Variants in PPFIA2 observed in about 807,000 individuals in gnomAD.
PPFIA2 encodes PPFI scaffold protein A2.
In PPFIA2, 46 loss-of-function variants were observed where a neutral mutation model predicts 175.5. That is an observed-to-expected ratio of 0.26 (90% confidence interval 0.21 to 0.34). The LOEUF is 0.34. Ranked by LOEUF, PPFIA2 falls within the 10% of genes least tolerant of loss-of-function variation. The probability of loss-of-function intolerance (pLI) is 1.00; values close to 1 mark genes in which losing one functional copy is unlikely to be tolerated. For missense variants in PPFIA2, 1,179 were observed against 1,506.1 expected (o/e 0.78, Z 3.60); for synonymous variants, 568 against 511.4 (o/e 1.11, Z -1.49).
chr12:81,702,042 T>C (rs2076552818), intron 3 of PPFIA2, among the ~76,000 whole-genome samples: 1 of 152,032 alleles, frequency 6.6e-6, no homozygotes, highest in Non-Finnish European at 1.5e-5. Flanking sequence ...AGAGAAAATG[T>C]GGGATGTAAG....
intron 4 of PPFIA2, among the ~76,000 whole-genome samples, chr12:81,659,930 G>A (rs1387013046): frequency 6.6e-6 from 1 of 152,054 alleles, no homozygotes; most frequent in Non-Finnish European, 1.5e-5. Context: ...CCACGCTCCA[G>A]GCAAACAGGG....
Position 81,393,074 on chromosome 12 carries a change from T to A in PPFIA2, c.763-8830A>T, listed in dbSNP as rs377105620. Among the ~76,000 whole-genome samples, 33 of 152,150 alleles carry A rather than the reference T, an allele frequency of 2.2e-4. No homozygotes were observed. The East Asian group carries it at 2.7e-3, about 12-fold the overall frequency. ...ACCTTGTTTCTTATTTTCATTCTTA[T>A]AGCAGTCAGACTGATTCATGGTGAT... On this transcript the variant is annotated intron_variant, in intron 8 of 32. Transcript: ENST00000549396.
intron 4 of PPFIA2, among the ~76,000 whole-genome samples, chr12:81,537,886 C>T (rs2065641453): frequency 6.6e-6 from 1 of 151,800 alleles, no homozygotes; most frequent in African/African-American, 2.4e-5. Flanking sequence ...TGAATATTCC[C>T]TAGATCAGTG....
At chr12:81,440,351 A>G (rs2145001038) in intron 6 of PPFIA2, among the ~76,000 whole-genome samples, 1 of 152,216 alleles carries the variant, frequency 6.6e-6, no homozygotes, top group Non-Finnish European at 1.5e-5. Context: ...GTGGAGACAA[A>G]GTTTAAAAGT....
At chr12:81,268,622 T>A (rs889655705) in intron 28 of PPFIA2, among the ~76,000 whole-genome samples, 1 of 152,236 alleles carries the variant, frequency 6.6e-6, no homozygotes, top group African/African-American at 2.4e-5. Flanking sequence ...GAGTGTTTGT[T>A]ATAGCTAAAA....
chr12:81,595,523 A>G (rs2059150094), intron 4 of PPFIA2, among the ~76,000 whole-genome samples: 1 of 152,006 alleles, frequency 6.6e-6, no homozygotes, highest in African/African-American at 2.4e-5. Flanking sequence ...TGAGTAGAAA[A>G]CTGCAGGCAC....
chr12:81,550,592 G>C (rs1489443597), intron 4 of PPFIA2, among the ~76,000 whole-genome samples: 1 of 151,898 alleles, frequency 6.6e-6, no homozygotes, highest in East Asian at 1.9e-4. Context: ...CAGGTTTCTG[G>C]CTGAGGCATC....
At chr12:81,601,184 T>C (rs1170937788) in intron 4 of PPFIA2, among the ~76,000 whole-genome samples, 1 of 152,002 alleles carries the variant, frequency 6.6e-6, no homozygotes, top group East Asian at 1.9e-4. Flanking sequence ...GTACTACTAA[T>C]ATATAATTAT....
intron 4 of PPFIA2, among the ~76,000 whole-genome samples, chr12:81,604,127 T>C (rs1039256654): frequency 1.3e-5 from 2 of 151,720 alleles, no homozygotes; most frequent in African/African-American, 4.8e-5. Flanking sequence ...TGATGTAATG[T>C]ATACTGAGTT....
intron 3 of PPFIA2, among the ~76,000 whole-genome samples, chr12:81,715,640 G>T (rs2078511103): frequency 6.6e-6 from 1 of 151,672 alleles, no homozygotes; most frequent in South Asian, 2.1e-4. Context: ...TTAATGCTTG[G>T]GTGAATAATG....
intron 4 of PPFIA2, among the ~76,000 whole-genome samples, chr12:81,548,342 A>C (rs1317074956): frequency 6.6e-6 from 1 of 152,166 alleles, no homozygotes; most frequent in Non-Finnish European, 1.5e-5. Flanking sequence ...AAAGAAAGCA[A>C]GAGCAAGTTT....
chr12:81,401,434 A>G (rs944138150), intron 8 of PPFIA2, among the ~76,000 whole-genome samples: 1 of 152,216 alleles, frequency 6.6e-6, no homozygotes, highest in Non-Finnish European at 1.5e-5. Flanking sequence ...TGGCAGAGAC[A>G]GGAACTTCAA....
chr12:81,623,844 A>T (rs1457850913), intron 4 of PPFIA2, among the ~76,000 whole-genome samples: 1 of 151,950 alleles, frequency 6.6e-6, no homozygotes, highest in Non-Finnish European at 1.5e-5. Context: ...TTTATCTCCT[A>T]TAAACAAGGC....
intron 4 of PPFIA2, among the ~76,000 whole-genome samples, chr12:81,528,638 TAATA>T (rs2064049858): frequency 1.3e-5 from 2 of 152,086 alleles, no homozygotes; most frequent in African/African-American, 2.4e-5. Context: ...ATATATTTAC[TAATA>T]AATACACAGA....
intron 14 of PPFIA2, among the ~76,000 whole-genome samples, chr12:81,363,000 T>C (rs1566452676): frequency 6.6e-6 from 1 of 151,626 alleles, no homozygotes. Context: ...TCTCTGGCAT[T>C]CACTAATCCT....
chr12:81,614,811 T>C (rs1320220600), intron 4 of PPFIA2, among the ~76,000 whole-genome samples: 1 of 152,174 alleles, frequency 6.6e-6, no homozygotes, highest in Non-Finnish European at 1.5e-5. Flanking sequence ...GTAAATCTTC[T>C]AGAATAGTAA....
intron 4 of PPFIA2, among the ~76,000 whole-genome samples, chr12:81,596,853 G>A (rs2059302217): frequency 6.6e-6 from 1 of 152,086 alleles, no homozygotes; most frequent in South Asian, 2.1e-4. Flanking sequence ...TGCACTATCA[G>A]TAGACATCAG....
Position 81,751,414 on chromosome 12 carries a change from T to C in PPFIA2, c.249+2559A>G, listed in dbSNP as rs1265972434. On this transcript the variant is annotated intron_variant, in intron 3 of 32. Transcript: ENST00000549396. ...ACTTATCATGAGACTATTTACAGTC[T>C]TTTTTTTTTTTTACCATGCAGTAGG... 1.6e-3 allele frequency among the ~76,000 whole-genome samples: 59 copies of C among 36,250 alleles called. 1 individual carries two copies. Among genetic ancestry groups the C allele is most frequent in the Non-Finnish European group, 3.0e-3 (45 of 14,856 alleles). 23.8% of individuals were successfully genotyped at this position (36,250 alleles called of 152,430 possible).
At chr12:81,677,702 C>T (rs1277984794) in intron 3 of PPFIA2, among the ~76,000 whole-genome samples, 1 of 151,824 alleles carries the variant, frequency 6.6e-6, no homozygotes, top group African/African-American at 2.4e-5. Flanking sequence ...TATTTCTACA[C>T]ATAGAGTATA....
Sources: allele counts gnomAD v4.1 joint callset (sites outside exome capture counted in the v4.1 genomes callset), GRCh38; gene constraint gnomAD v4.1.1; transcripts MANE v1.5; gene names NCBI Gene and HGNC (gene_info 2026-07-23, HGNC 2026-07-21).